Variants in GRHL2 observed in about 807,000 individuals in gnomAD.
GRHL2 encodes the protein grainyhead-like protein 2 homolog.
In GRHL2, 21 loss-of-function variants were observed where a neutral mutation model predicts 83.8. That is an observed-to-expected ratio of 0.25 (90% confidence interval 0.18 to 0.36). The LOEUF (loss-of-function observed/expected upper bound fraction) is 0.36, where lower values mean the gene tolerates loss of function less well. Ranked by LOEUF, GRHL2 falls within the 10% of genes least tolerant of loss-of-function variation. GRHL2 has a pLI of 1.00. For synonymous variants in GRHL2, 280 were observed against 278.9 expected (o/e 1.00, Z -0.04); for missense variants, 623 against 781.8 (o/e 0.80, Z 2.42).
intron 4 of GRHL2, among the ~76,000 whole-genome samples, chr8:101,564,480 C>T (rs960779237): frequency 6.6e-6 from 1 of 152,076 alleles, no homozygotes; most frequent in African/African-American, 2.4e-5. Context: ...TTAACTCAGG[C>T]TGGGATTTTT....
intron 9 of GRHL2, among the ~76,000 whole-genome samples, chr8:101,621,707 G>A (rs1812969171): frequency 6.6e-6 from 1 of 151,970 alleles, no homozygotes; most frequent in Non-Finnish European, 1.5e-5. Flanking sequence ...ACCAGCTTAG[G>A]CAACAAAGCG....
intron 9 of GRHL2, among the ~76,000 whole-genome samples, chr8:101,626,308 T>A (rs771192963): frequency 2.0e-5 from 3 of 152,096 alleles, no homozygotes; most frequent in Non-Finnish European, 4.4e-5. Context: ...CCTGTGAGAC[T>A]GCAGCTGAAA....
At chr8:101,594,632 T>G (rs1219396509) in intron 7 of GRHL2, among the ~76,000 whole-genome samples, 1 of 152,246 alleles carries the variant, frequency 6.6e-6, no homozygotes, top group African/African-American at 2.4e-5. Context: ...GCAGAGCTAT[T>G]GTACCACCTG....
intron 7 of GRHL2, among the ~76,000 whole-genome samples, chr8:101,594,394 A>G (rs1487325133): frequency 1.3e-5 from 2 of 152,242 alleles, no homozygotes; most frequent in Admixed American, 6.5e-5. Context: ...TCTTGAGGAA[A>G]TAAGTTGAGG....
At chr8:101,586,355 AT>A (rs1812171386) in intron 7 of GRHL2, among the ~76,000 whole-genome samples, 1 of 151,352 alleles carries the variant, frequency 6.6e-6, no homozygotes, top group Non-Finnish European at 1.5e-5. Flanking sequence ...ACCCTTCACT[AT>A]TTTTTCCTAC....
chr8:101,496,739 A>G (rs758384810), intron 1 of GRHL2, among the ~76,000 whole-genome samples: 2 of 152,170 alleles, frequency 1.3e-5, no homozygotes, highest in Non-Finnish European at 2.9e-5. Context: ...AGCTTCTCCA[A>G]TGAGGTGAGC....
intron 6 of GRHL2, among the ~76,000 whole-genome samples, chr8:101,574,573 C>G (rs1803005065): frequency 6.6e-6 from 1 of 152,244 alleles, no homozygotes; most frequent in African/African-American, 2.4e-5. Context: ...TTAGTCACAG[C>G]TCCCTCCTCC....
intron 12 of GRHL2, among the ~76,000 whole-genome samples, chr8:101,641,562 G>C (rs1813401173): frequency 6.6e-6 from 1 of 152,092 alleles, no homozygotes; most frequent in Non-Finnish European, 1.5e-5. Flanking sequence ...CCTTCCCACT[G>C]TTTTTCCAAT....
At chr8:101,645,119 T>A (rs1281312036) in intron 13 of GRHL2, among the ~76,000 whole-genome samples, 2 of 2,260 alleles carry the variant, frequency 8.8e-4, no homozygotes, top group Admixed American at 6.2e-3. Context: ...GTACAGAATT[T>A]TTTTTTTTTT....
At chr8:101,672,852 C>A (rs1355134757), downstream of GRHL2, among the ~76,000 whole-genome samples, 4 of 151,892 alleles carry the variant, frequency 2.6e-5, no homozygotes, top group African/African-American at 9.7e-5. Flanking sequence ...AACAGCTGAT[C>A]TCTCGGCAGA....
intron 1 of GRHL2, among the ~76,000 whole-genome samples, chr8:101,502,743 CTCCTCCTCT>C (rs986662163): frequency 6.6e-6 from 1 of 151,992 alleles, no homozygotes; most frequent in Non-Finnish European, 1.5e-5. Flanking sequence ...CCTCCTCCTC[CTCCTCCTCT>C]TCCTCCTATT....
intron 7 of GRHL2, among the ~76,000 whole-genome samples, chr8:101,593,694 G>C (rs570953406): frequency 1.8e-4 from 27 of 152,224 alleles, no homozygotes; most frequent in African/African-American, 6.5e-4. Context: ...GATCTTTGCA[G>C]ATTGTGATTA....
intron 1 of GRHL2, among the ~76,000 whole-genome samples, chr8:101,513,015 G>T (rs1420895504): frequency 4.6e-5 from 7 of 151,976 alleles, no homozygotes; most frequent in African/African-American, 1.5e-4. Flanking sequence ...TGAATTTTAG[G>T]GGTGTACAAA....
At chr8:101,566,802 C>T (rs1811728864) in intron 4 of GRHL2, among the ~76,000 whole-genome samples, 1 of 151,790 alleles carries the variant, frequency 6.6e-6, no homozygotes, top group Non-Finnish European at 1.5e-5. Flanking sequence ...ATTTGATGAG[C>T]TCATATAGAA....
intron 7 of GRHL2, among the ~76,000 whole-genome samples, chr8:101,586,065 C>CTTGTTTTTTTTT (rs1812158711): frequency 1.1e-5 from 1 of 94,382 alleles, no homozygotes; most frequent in African/African-American, 4.3e-5. Context: ...CCTCATGTTT[C>CTTGTTTTTTTTT]TTTTTTTTTT....
intron 12 of GRHL2, among the ~76,000 whole-genome samples, chr8:101,641,457 T>G (rs1456644654): frequency 1.3e-5 from 2 of 152,140 alleles, no homozygotes; most frequent in Non-Finnish European, 2.9e-5. Flanking sequence ...ACCTCCTCAG[T>G]AGGCAAACAA....
Position 101,613,094 on chromosome 8 carries a change from G to A in GRHL2, c.1099-6445G>A, listed in dbSNP as rs529323621. 2.4e-3 allele frequency among the ~76,000 whole-genome samples: 358 copies of A among 150,760 alleles called. 14 individuals are homozygous for A. Among genetic ancestry groups the A allele is most frequent in the Middle Eastern group, 0.01 (3 of 292 alleles). The stretch of plus-strand genomic sequence containing the variant: ...TTGACATTGGACTGAATCTGAATGA[G>A]AAGGAGCTGGCAGTGTGGTGATCTG... On this transcript the variant is annotated intron_variant, in intron 8 of 15. Coordinates refer to ENST00000646743, the MANE Select transcript of GRHL2 (RefSeq NM_024915.4).
the GRHL2 span, among the ~76,000 whole-genome samples, chr8:101,676,609 T>G: frequency 0.031 from 4,670 of 152,048 alleles, 97 homozygotes; most frequent in Middle Eastern, 0.13. Flanking sequence ...TTACACTGTT[T>G]GTGGGACTGT....
intron 1 of GRHL2, among the ~76,000 whole-genome samples, chr8:101,499,347 C>T (rs1429725605): frequency 6.6e-6 from 1 of 152,152 alleles, no homozygotes; most frequent in Non-Finnish European, 1.5e-5. Flanking sequence ...TTTCCCCTTC[C>T]TTACTTCCTC....
Sources: allele counts gnomAD v4.1 joint callset (sites outside exome capture counted in the v4.1 genomes callset), GRCh38; gene constraint gnomAD v4.1.1; transcripts MANE v1.5; gene names NCBI Gene and HGNC (gene_info 2026-07-23, HGNC 2026-07-21).